PCDHGA10: variants seen among roughly 807,000 people sequenced by gnomAD.
The protein encoded by PCDHGA10 is protocadherin gamma-A10.
In PCDHGA10, 42 loss-of-function variants were observed where a neutral mutation model predicts 59.5. That is an observed-to-expected ratio of 0.71 (90% CI 0.55 to 0.91). PCDHGA10 has a LOEUF of 0.91. Ranked by LOEUF, PCDHGA10 falls within the 40% of genes least tolerant of loss-of-function variation. The pLI, the probability that PCDHGA10 is intolerant of heterozygous loss-of-function variation, is 0.00. For missense variants in PCDHGA10, 1,111 were observed against 1,198.2 expected (o/e 0.93, Z 1.07); for synonymous variants, 511 against 517.2 (o/e 0.99, Z 0.16).
intron 1 of PCDHGA10, chr5:141,418,385 G>T: frequency 6.2e-7 from 1 of 1,613,930 alleles, no homozygotes; most frequent in Non-Finnish European, 8.5e-7. Context: ...AAGTCCTAAC[G>T]AGTATTTCTC....
intron 3 of PCDHGA10, among the ~76,000 whole-genome samples, chr5:141,506,682 C>A (rs1333272766): frequency 6.6e-6 from 1 of 152,192 alleles, no homozygotes; most frequent in East Asian, 1.9e-4. Context: ...ATATTATTAT[C>A]TTTGCTGACC....
chr5:141,443,172 C>T (rs1454734622), intron 1 of PCDHGA10, among the ~76,000 whole-genome samples: 1 of 152,176 alleles, frequency 6.6e-6, no homozygotes, highest in Non-Finnish European at 1.5e-5. Flanking sequence ...CTACCCATGT[C>T]CACTGCATCA....
rs1163353349 is a variant in PCDHGA10, at chr5:141,489,426, G to C, written c.2437-5381G>C. 6.2e-7 allele frequency: 1 copy of C among 1,614,012 alleles called. No homozygotes were observed. The highest frequency in any genetic ancestry group is 1.3e-5 in the African/African-American group (1 of 74,922). ...TAAAGATGACAGATCTGTTGAGCCGGCGGCTGCAATTGGGCTCTGAGGAGA... is the reference window on the plus strand; with the variant it reads ...TAAAGATGACAGATCTGTTGAGCCGCCGGCTGCAATTGGGCTCTGAGGAGA... On this transcript the variant is annotated intron_variant, in intron 1 of 3. Transcript: ENST00000398610. The surrounding 1 kb of genome is among the most constrained non-coding windows in gnomAD (Gnocchi z 4.5).
At chr5:141,459,984 A>G (rs906041823) in intron 1 of PCDHGA10, among the ~76,000 whole-genome samples, 4 of 152,216 alleles carry the variant, frequency 2.6e-5, no homozygotes, top group Non-Finnish European at 5.9e-5. Flanking sequence ...AGGCTGAGAC[A>G]GGAGAATCGC....
At chr5:141,469,885 C>A (rs1464434089) in intron 1 of PCDHGA10, among the ~76,000 whole-genome samples, 3 of 152,204 alleles carry the variant, frequency 2.0e-5, no homozygotes, top group African/African-American at 4.8e-5. Context: ...AATCTCGGCA[C>A]TTTGGGAAGC....
intron 1 of PCDHGA10, among the ~76,000 whole-genome samples, chr5:141,434,463 G>A (rs967685246): frequency 5.9e-5 from 9 of 152,192 alleles, no homozygotes; most frequent in Admixed American, 1.3e-4. Flanking sequence ...TGGGTTTACC[G>A]GAATGAGGGC....
intron 1 of PCDHGA10, among the ~76,000 whole-genome samples, chr5:141,466,449 T>C (rs2154569205): frequency 6.6e-6 from 1 of 152,358 alleles, no homozygotes; most frequent in Admixed American, 6.5e-5. Flanking sequence ...ATGTCTATGG[T>C]GTTGGCTATT....
chr5:141,475,950 C>A, intron 1 of PCDHGA10: 1 of 761,530 alleles, frequency 1.3e-6, no homozygotes, highest in African/African-American at 1.7e-5. Flanking sequence ...CCCCTTTCTG[C>A]GCCCCGGGAT....
chr5:141,414,624 G>C lies in PCDHGA10; in HGVS notation c.1449G>C (p.Pro483=). The change falls in exon 1 of 4, where the codon CCG becomes CCC. Residue 483 remains proline, a synonymous_variant. Transcript: ENST00000398610. ...ASIFSVTALD[P]DSKENAQIIY... is the part of the protein sequence containing the mutation. ...TCTTCTCAGTGACAGCGCTGGACCC[G>C]GACAGCAAAGAGAATGCCCAGATTA... The C allele has an allele frequency of 6.2e-7, 1 of 1,613,932 alleles. No individual in the cohort carries two copies. Among genetic ancestry groups the C allele is most frequent in the Non-Finnish European group, 8.5e-7 (1 of 1,179,884 alleles).
In PCDHGA10 at chr5:141,476,824, C is replaced by A; in HGVS notation, c.2437-17983C>A. On this transcript the variant is annotated intron_variant, in intron 1 of 3. Coordinates refer to ENST00000398610, the MANE Select transcript of PCDHGA10 (RefSeq NM_018913.3). This position sits in a 1 kb window ranked among gnomAD's most constrained non-coding sequence, Gnocchi z 7.6. Reference sequence around the variant, plus strand: ...TGCCTATTCACATCAAGGTGCTGGACGCGAATGACAATGCGCCTGTCTTCA... The same window carrying A: ...TGCCTATTCACATCAAGGTGCTGGAAGCGAATGACAATGCGCCTGTCTTCA... The A allele has an allele frequency of 1.2e-6, 2 of 1,613,588 alleles. No individual in the cohort carries two copies. The highest frequency in any genetic ancestry group is 1.7e-6 in the Non-Finnish European group (2 of 1,180,036).
chr5:141,489,944 T>C lies in PCDHGA10; in HGVS notation c.2437-4863T>C. On this transcript the variant is annotated intron_variant, in intron 1 of 3. Coordinates refer to ENST00000398610, the MANE Select transcript of PCDHGA10 (RefSeq NM_018913.3). The surrounding 1 kb of genome is among the most constrained non-coding windows in gnomAD (Gnocchi z 4.5). Reference sequence around the variant, plus strand: ...CTTATCTCTGTCATCGTGCTGGACATCAATGATAATGCTCCAACCTTCCAA... The same window carrying C: ...CTTATCTCTGTCATCGTGCTGGACACCAATGATAATGCTCCAACCTTCCAA... 6.2e-7 allele frequency: 1 copy of C among 1,614,172 alleles called. No homozygotes were observed. Among genetic ancestry groups the C allele is most frequent in the Non-Finnish European group, 8.5e-7 (1 of 1,180,010 alleles).
rs1276367800 is a variant in PCDHGA10, at chr5:141,414,678, G to A, written c.1503G>A (p.Gln501=). 8.7e-6 allele frequency: 14 copies of A among 1,613,856 alleles called. No individual in the cohort carries two copies. The highest frequency in any genetic ancestry group is 1.3e-5 in the African/African-American group (1 of 74,910). ...ACTCCCTGGCTGAAGACACCATCCA[G>A]GGGGTACCTCTGTCCTCATACATAT... ...IIYSLAEDTI[Q]GVPLSSYISI... The change falls in exon 1 of 4, where the codon CAG becomes CAA. Residue 501 remains glutamine, a synonymous_variant. Coordinates refer to ENST00000398610, the MANE Select transcript of PCDHGA10 (RefSeq NM_018913.3).
At chr5:141,483,816 A>G (rs2099587505) in intron 1 of PCDHGA10, among the ~76,000 whole-genome samples, 1 of 152,172 alleles carries the variant, frequency 6.6e-6, no homozygotes, top group Admixed American at 6.5e-5. Context: ...TTTGGCAGCC[A>G]GTGTAACCTA....
intron 1 of PCDHGA10, among the ~76,000 whole-genome samples, chr5:141,462,029 G>A (rs535977332): frequency 6.6e-6 from 1 of 152,260 alleles, no homozygotes; most frequent in East Asian, 1.9e-4. Context: ...CTTCATGTTG[G>A]TCAGGCGGGT....
rs1326004540 is a variant in PCDHGA10 at position 141,477,117 on chromosome 5, C to T, written c.2437-17690C>T. Reference sequence around the variant, plus strand: ...GACAAGGGCGCCAATCCCGAAGGAGCACATTGCAAAGTGTTGGTGGAGGTT... The same window carrying T: ...GACAAGGGCGCCAATCCCGAAGGAGTACATTGCAAAGTGTTGGTGGAGGTT... On this transcript the variant is annotated intron_variant, in intron 1 of 3. Coordinates refer to ENST00000398610, the MANE Select transcript of PCDHGA10 (RefSeq NM_018913.3). The surrounding 1 kb of genome is among the most constrained non-coding windows in gnomAD (Gnocchi z 4.9). 1.2e-6 allele frequency: 2 copies of T among 1,614,246 alleles called. No homozygotes were observed. Among genetic ancestry groups the T allele is most frequent in the East Asian group, 4.5e-5 (2 of 44,886 alleles).
intron 1 of PCDHGA10, chr5:141,419,333 A>T (rs1219255880): frequency 6.2e-7 from 1 of 1,613,804 alleles, no homozygotes; most frequent in South Asian, 1.1e-5. Context: ...CTACTCTCTC[A>T]TTGCCAGCGA....
rs1029080327 is a variant in PCDHGA10 at position 141,512,737 on chromosome 5, G to C, written c.*1564G>C. 6.5e-5 allele frequency: 10 copies of C among 152,868 alleles called. No individual in the cohort carries two copies. The highest frequency in any genetic ancestry group is 2.4e-4 in the African/African-American group (10 of 41,472). 9.5% of individuals were successfully genotyped at this position (152,868 alleles called of 1,614,324 possible). On this transcript the variant is annotated 3_prime_UTR_variant, in exon 4 of 4. Transcript: ENST00000398610. Reference sequence around the variant, plus strand: ...ATGGCGGGTGGGCAGCGGGCGGCGGGCTCCGCGCAGCCGTCTGTCCTTGAT... The same window carrying C: ...ATGGCGGGTGGGCAGCGGGCGGCGGCCTCCGCGCAGCCGTCTGTCCTTGAT...
intron 1 of PCDHGA10, among the ~76,000 whole-genome samples, chr5:141,481,223 A>C (rs935737972): frequency 3.3e-5 from 5 of 152,242 alleles, no homozygotes; most frequent in Non-Finnish European, 7.3e-5. Context: ...AAGGTCTCCC[A>C]GCCTTAAAGT....
At chr5:141,450,815 A>ATTAT (rs1554136868) in intron 1 of PCDHGA10, among the ~76,000 whole-genome samples, 98 of 126,742 alleles carry the variant, frequency 7.7e-4, no homozygotes, top group African/African-American at 3.1e-3. Flanking sequence ...TATTTATTTA[A>ATTAT]TATTATTATT....
Sources: allele counts gnomAD v4.1 joint callset (sites outside exome capture counted in the v4.1 genomes callset), GRCh38; gene constraint gnomAD v4.1.1; non-coding constraint Gnocchi (gnomAD v3.1); transcripts MANE v1.5; gene names NCBI Gene and HGNC (gene_info 2026-07-23, HGNC 2026-07-21).